SLC41A2: variants seen among roughly 807,000 people sequenced by gnomAD.
The protein encoded by SLC41A2 is solute carrier family 41 member 2.
A neutral mutation model predicts 58.3 loss-of-function variants in SLC41A2; 32 were observed. The observed-to-expected ratio is 0.55, with a 90% CI of 0.41 to 0.74. The LOEUF (loss-of-function observed/expected upper bound fraction) is 0.74, where lower values mean the gene tolerates loss of function less well. Among genes scored for constraint, SLC41A2 ranks in the 30% least tolerant of loss-of-function variants. The probability of loss-of-function intolerance (pLI) is 0.00; values close to 1 mark genes in which losing one functional copy is unlikely to be tolerated. For missense variants in SLC41A2, 514 were observed against 680.6 expected (o/e 0.76, Z 2.72); for synonymous variants, 190 against 235.0 (o/e 0.81, Z 1.75).
intron 4 of SLC41A2, among the ~76,000 whole-genome samples, chr12:104,891,426 T>C (rs184041027): frequency 1.3e-5 from 2 of 151,842 alleles, no homozygotes; most frequent in Admixed American, 1.3e-4. Context: ...CTACAACTCA[T>C]ATTACTTTGT....
At chr12:104,881,913 G>T (rs1225082118) in intron 6 of SLC41A2, among the ~76,000 whole-genome samples, 2 of 152,002 alleles carry the variant, frequency 1.3e-5, no homozygotes, top group Non-Finnish European at 2.9e-5. Flanking sequence ...TTGACAGTGG[G>T]GTGTTAAAAT....
At position 104,909,640 on chromosome 12, in the gene SLC41A2, T is replaced by C. The variant is rs1407471892; in HGVS notation, c.663+15A>G. The C allele has an allele frequency of 6.5e-7, 1 of 1,542,128 alleles. No individual in the cohort carries two copies. The highest frequency in any genetic ancestry group is 2.2e-5 in the East Asian group (1 of 44,508). On this transcript the variant is annotated intron_variant, in intron 3 of 10. Transcript: ENST00000258538. ...GATAGGTAATACACATAATTTGAGG[T>C]AGGAAAAAACTTACTGCAGTGGATA...
At chr12:104,936,600 T>C (rs1318868955) in intron 1 of SLC41A2, among the ~76,000 whole-genome samples, 2 of 152,154 alleles carry the variant, frequency 1.3e-5, no homozygotes, top group Non-Finnish European at 2.9e-5. Context: ...CTCCCATTTT[T>C]TAAAACCATC....
chr12:104,886,656 C>T (rs1197409572), intron 5 of SLC41A2, among the ~76,000 whole-genome samples: 1 of 151,958 alleles, frequency 6.6e-6, no homozygotes, highest in Admixed American at 6.6e-5. Flanking sequence ...AGAAGTTCAG[C>T]ATTGTATTTA....
At chr12:104,810,889 G>T (rs1263929829) in intron 10 of SLC41A2, among the ~76,000 whole-genome samples, 1 of 152,188 alleles carries the variant, frequency 6.6e-6, no homozygotes, top group Non-Finnish European at 1.5e-5. Context: ...TAAAGCCCAT[G>T]CTCTCAACCA....
At chr12:104,935,155 C>T (rs998321312) in intron 1 of SLC41A2, among the ~76,000 whole-genome samples, 1 of 150,724 alleles carries the variant, frequency 6.6e-6, no homozygotes, top group Non-Finnish European at 1.5e-5. Flanking sequence ...AATGGGGTTT[C>T]ACCATGTTAG....
At chr12:104,880,227 G>C (rs375143929) in intron 6 of SLC41A2, among the ~76,000 whole-genome samples, 1 of 152,124 alleles carries the variant, frequency 6.6e-6, no homozygotes, top group African/African-American at 2.4e-5. Context: ...AGATAAAATG[G>C]GGTCTTCTAA....
intron 1 of SLC41A2, among the ~76,000 whole-genome samples, chr12:104,950,682 C>T (rs1373316604): frequency 2.6e-5 from 4 of 152,118 alleles, no homozygotes; most frequent in East Asian, 1.9e-4. Flanking sequence ...ATTTTTAATG[C>T]AGAGGAACCC....
intron 3 of SLC41A2, among the ~76,000 whole-genome samples, chr12:104,903,219 C>G (rs960317720): frequency 1.3e-5 from 2 of 152,054 alleles, no homozygotes; most frequent in Non-Finnish European, 2.9e-5. Context: ...TGCTTCAATC[C>G]TTAGCCCCCT....
At chr12:104,951,413 TAA>T (rs911559788) in intron 1 of SLC41A2, 1 of 152,196 alleles carries the variant, frequency 6.6e-6, no homozygotes, top group African/African-American at 2.4e-5. Flanking sequence ...AACCCTAACT[TAA>T]AAACTAACGA....
intron 7 of SLC41A2, among the ~76,000 whole-genome samples, chr12:104,861,649 T>C (rs2043216136): frequency 6.6e-6 from 1 of 152,216 alleles, no homozygotes; most frequent in African/African-American, 2.4e-5. Context: ...TAAAATGTCT[T>C]GAACAGTATA....
chr12:104,869,686 G>T (rs1481321402), intron 6 of SLC41A2, among the ~76,000 whole-genome samples: 1 of 152,112 alleles, frequency 6.6e-6, no homozygotes, highest in Non-Finnish European at 1.5e-5. Flanking sequence ...AATTCTATAG[G>T]ACCCTCCTAA....
At chr12:104,880,697 G>A (rs992067006) in intron 6 of SLC41A2, among the ~76,000 whole-genome samples, 7 of 152,138 alleles carry the variant, frequency 4.6e-5, no homozygotes, top group Admixed American at 1.3e-4. Flanking sequence ...GCTTTTTGAC[G>A]TGCTGCTGGA....
chr12:104,940,170 C>A (rs1260527410), intron 1 of SLC41A2, among the ~76,000 whole-genome samples: 5 of 151,756 alleles, frequency 3.3e-5, no homozygotes, highest in Admixed American at 6.6e-5. Context: ...TGCACCACCA[C>A]CCCGGCTAAT....
intron 1 of SLC41A2, among the ~76,000 whole-genome samples, chr12:104,936,858 G>A (rs934343068): frequency 6.6e-6 from 1 of 152,112 alleles, no homozygotes; most frequent in African/African-American, 2.4e-5. Context: ...AAACAAAGAA[G>A]GAAAATATTT....
chr12:104,909,535 A>G (rs2135779430), intron 3 of SLC41A2, 120 bp downstream of exon 3: 1 of 683,624 alleles, frequency 1.5e-6, no homozygotes, highest in South Asian at 1.8e-5. Context: ...ATAACTACTT[A>G]GCACAGCCCT....
intron 2 of SLC41A2, among the ~76,000 whole-genome samples, chr12:104,925,527 C>T (rs1015140504): frequency 6.6e-6 from 1 of 151,328 alleles, no homozygotes; most frequent in African/African-American, 2.4e-5. Flanking sequence ...CACTGCAGTC[C>T]GGCCTGGGTG....
intron 3 of SLC41A2, among the ~76,000 whole-genome samples, chr12:104,904,873 G>A (rs1045551086): frequency 2.0e-5 from 3 of 152,166 alleles, no homozygotes; most frequent in African/African-American, 7.2e-5. Flanking sequence ...AGAGTGAGCA[G>A]TAGCAAGATT....
intron 8 of SLC41A2, among the ~76,000 whole-genome samples, chr12:104,853,926 T>TTTTTATTTTTA (rs2042917141): frequency 6.7e-5 from 8 of 118,930 alleles, no homozygotes; most frequent in African/African-American, 2.5e-4. Flanking sequence ...TTTTTTTTTT[T>TTTTTATTTTTA]TTTTTTTTTT....
Sources: allele counts gnomAD v4.1 joint callset (sites outside exome capture counted in the v4.1 genomes callset), GRCh38; gene constraint gnomAD v4.1.1; transcripts MANE v1.5; gene names NCBI Gene and HGNC (gene_info 2026-07-23, HGNC 2026-07-21).